SOX6: variants seen among roughly 807,000 people sequenced by gnomAD.
The protein encoded by SOX6 is SRY-box transcription factor 6.
Under a neutral mutation model 97.8 loss-of-function variants are expected in SOX6, and 11 were observed. The observed-to-expected ratio is 0.11, with a 90% CI of 0.07 to 0.19. The LOEUF is 0.19. Among genes scored for constraint, SOX6 ranks in the 10% least tolerant of loss-of-function variants. SOX6 has a pLI of 1.00. For missense variants in SOX6, 810 were observed against 1,039.5 expected (o/e 0.78, Z 3.04); for synonymous variants, 360 against 371.4 (o/e 0.97, Z 0.35).
chr11:16,116,181 T>C (rs554596968), intron 6 of SOX6, among the ~76,000 whole-genome samples: 1 of 152,228 alleles, frequency 6.6e-6, no homozygotes, highest in East Asian at 1.9e-4. Context: ...ACATAAGTAA[T>C]AATAGTAATG....
At chr11:16,007,019 GC>G (rs1854575254) in intron 13 of SOX6, among the ~76,000 whole-genome samples, 1 of 151,694 alleles carries the variant, frequency 6.6e-6, no homozygotes, top group African/African-American at 2.4e-5. Context: ...GATAGTGAGT[GC>G]AGGCAGTGAT....
chr11:16,362,161 A>G (rs1049240390), intron 1 of SOX6, among the ~76,000 whole-genome samples: 4 of 152,210 alleles, frequency 2.6e-5, no homozygotes, highest in African/African-American at 7.2e-5. Context: ...GAAAAGGGAA[A>G]TAAGAGTATC....
chr11:16,489,817 C>A (rs924364486), intron 4 of SOX6, among the ~76,000 whole-genome samples: 3 of 152,044 alleles, frequency 2.0e-5, no homozygotes, highest in Admixed American at 1.3e-4. Context: ...CAACAGGAAC[C>A]AGAAGGCAGT....
At chr11:16,497,297 C>T (rs1296483071) in intron 4 of SOX6, among the ~76,000 whole-genome samples, 2 of 152,018 alleles carry the variant, frequency 1.3e-5, no homozygotes, top group Non-Finnish European at 2.9e-5. Flanking sequence ...AAAGGACATC[C>T]ACACCAAAAC....
intron 1 of SOX6, among the ~76,000 whole-genome samples, chr11:16,443,300 T>C (rs1417304307): frequency 4.6e-5 from 7 of 152,212 alleles, no homozygotes; most frequent in Admixed American, 4.6e-4. Context: ...TTAAGTTAAC[T>C]TAAAACTAAC....
intron 1 of SOX6, among the ~76,000 whole-genome samples, chr11:16,375,173 T>C (rs1044828171): frequency 3.3e-5 from 5 of 152,096 alleles, no homozygotes; most frequent in Admixed American, 2.6e-4. Context: ...TAACTAACAC[T>C]TCAAAGCTTT....
chr11:16,691,901 A>C (rs1478113277), intron 3 of SOX6, among the ~76,000 whole-genome samples: 2 of 152,184 alleles, frequency 1.3e-5, no homozygotes, highest in East Asian at 3.8e-4. Context: ...TTTGTAAACC[A>C]GATGCATCTA....
chr11:16,213,700 T>C (rs2134145880), intron 4 of SOX6, among the ~76,000 whole-genome samples: 1 of 152,294 alleles, frequency 6.6e-6, no homozygotes, highest in Admixed American at 6.5e-5. Context: ...TTATGATCCA[T>C]TCCCACAGGA....
At chr11:16,437,283 A>T (rs199818996) in intron 1 of SOX6, among the ~76,000 whole-genome samples, 2,343 of 144,348 alleles carry the variant, frequency 0.016, 51 homozygotes, top group African/African-American at 0.054. Context: ...TTTTTTTTTT[A>T]AAAAAAAGGT....
At chr11:16,367,745 C>T (rs1302415369) in intron 1 of SOX6, among the ~76,000 whole-genome samples, 1 of 152,076 alleles carries the variant, frequency 6.6e-6, no homozygotes, top group Non-Finnish European at 1.5e-5. Context: ...GGCGCAATGG[C>T]TAAAATTTCC....
intron 1 of SOX6, chr11:16,402,510 G>T: frequency 1.3e-6 from 1 of 772,240 alleles, no homozygotes; most frequent in Non-Finnish European, 2.3e-6. Flanking sequence ...ACATTAGAGA[G>T]CTTCCCAGAG....
At chr11:16,535,451 T>C (rs557432219) in intron 4 of SOX6, among the ~76,000 whole-genome samples, 82 of 152,298 alleles carry the variant, frequency 5.4e-4, no homozygotes, top group Middle Eastern at 3.4e-3. Flanking sequence ...GGTGGGCAGA[T>C]CACTTGATCT....
Position 16,619,473 on chromosome 11 carries a change from A to G in SOX6, n.430-7213T>C, listed in dbSNP as rs985956790. Among the ~76,000 whole-genome samples, 6 of 152,134 alleles carry G rather than the reference A, an allele frequency of 3.9e-5. 1 individual carries two copies. The Middle Eastern group carries it at 0.01, about 259-fold the overall frequency. On this transcript the variant is annotated intron_variant and non_coding_transcript_variant, in intron 3 of 5. Coordinates refer to the SOX6 transcript ENST00000524520. ...CACTAGAGAAACCAAATAAATTCTA[A>G]TTTTGGTTATTATCCACGATGTCTT...
At chr11:16,524,209 C>T (rs894661767) in intron 4 of SOX6, among the ~76,000 whole-genome samples, 8 of 151,992 alleles carry the variant, frequency 5.3e-5, no homozygotes, top group Admixed American at 3.9e-4. Flanking sequence ...CCTTGATGAA[C>T]ATTGATGCAA....
chr11:16,304,700 T>A (rs567833969), intron 3 of SOX6, among the ~76,000 whole-genome samples: 78 of 152,350 alleles, frequency 5.1e-4, no homozygotes, highest in African/African-American at 1.0e-3. Context: ...TGTGACCTTG[T>A]TGACTCATTA....
At position 16,541,952 on chromosome 11, in the gene SOX6, T is replaced by A. The variant is rs555856489; in HGVS notation, n.610-65564A>T. On this transcript the variant is annotated intron_variant and non_coding_transcript_variant, in intron 4 of 5. Coordinates refer to the SOX6 transcript ENST00000524520. Reference sequence around the variant, plus strand: ...CCAGAAATACCATTTGACCCAGCAATCCCATTACTGGGTATATACCCAAAG... The same window carrying A: ...CCAGAAATACCATTTGACCCAGCAAACCCATTACTGGGTATATACCCAAAG... Among the ~76,000 whole-genome samples, 5 of 152,268 alleles carry A rather than the reference T, an allele frequency of 3.3e-5. No individual in the cohort carries two copies. The East Asian group carries it at 5.8e-4, about 18-fold the overall frequency.
chr11:16,308,827 CT>C (rs2134286105), intron 3 of SOX6, among the ~76,000 whole-genome samples: 1 of 152,268 alleles, frequency 6.6e-6, no homozygotes, highest in South Asian at 2.1e-4. Flanking sequence ...CGACGATATT[CT>C]TGTGCTCCTA....
intron 1 of SOX6, among the ~76,000 whole-genome samples, chr11:16,389,234 C>T (rs1349098449): frequency 6.6e-6 from 1 of 152,224 alleles, no homozygotes; most frequent in East Asian, 1.9e-4. Flanking sequence ...AGGTTCGTGT[C>T]ACCACCCTCA....
chr11:16,221,257 C>A (rs1852530237), intron 4 of SOX6, among the ~76,000 whole-genome samples: 1 of 151,906 alleles, frequency 6.6e-6, no homozygotes, highest in South Asian at 2.1e-4. Context: ...TCAAAGGAAC[C>A]AAACTTTGTA....
Sources: gnomAD v4.1 joint callset for allele counts (sites outside exome capture counted in the v4.1 genomes callset) on GRCh38, gnomAD v4.1.1 for gene constraint, MANE v1.5 for transcripts, NCBI Gene and HGNC (gene_info 2026-07-23, HGNC 2026-07-21) for gene names.